CDKN2A: variants seen among roughly 807,000 people sequenced by gnomAD.
CDKN2A encodes cyclin-dependent kinase inhibitor 2A.
Under a neutral mutation model 11.1 loss-of-function variants are expected in CDKN2A, and 3 were observed. The ratio of observed to expected loss-of-function variants is 0.27; its 90% CI spans 0.12 to 0.70. The LOEUF is 0.70. Among genes scored for constraint, CDKN2A ranks in the 30% least tolerant of loss-of-function variants. The pLI, the probability that CDKN2A is intolerant of heterozygous loss-of-function variation, is 0.77. For synonymous variants in CDKN2A, 122 were observed against 108.1 expected, an observed-to-expected ratio of 1.13 and a Z score of -0.80; for missense variants, 265 against 233.6, an observed-to-expected ratio of 1.13 and a Z score of -0.88.
rs1025558190 is a variant in CDKN2A, at chr9:21,968,485, C to T, written c.458-243G>A. The T allele has an allele frequency of 4.1e-6, 6 of 1,458,398 alleles. No individual in the cohort carries two copies. The highest frequency in any genetic ancestry group is 1.4e-5 in the South Asian group (1 of 69,560). 90.3% of individuals were successfully genotyped at this position (1,458,398 alleles called of 1,614,324 possible). On this transcript the variant is annotated intron_variant, in intron 2 of 2. Transcript: ENST00000304494. This position sits in a 1 kb window ranked among gnomAD's most constrained non-coding sequence, Gnocchi z 4.7. ...ACCGCTCAAGCGCTCCAGGTCCACC[C>T]GGCGGAGGGCAGAGAAAGCGCGACC...
chr9:21,970,224 A>G (rs147869291), intron 2 of CDKN2A: 228 of 239,048 alleles, frequency 9.5e-4, no homozygotes, highest in Non-Finnish European at 1.4e-3. Flanking sequence ...GGCAAGGAGG[A>G]CCATAATTCT....
At position 21,968,136 on chromosome 9, in the gene CDKN2A, G is replaced by A. The variant is rs2131078719; in HGVS notation, c.*93C>T. Reference sequence around the variant, plus strand: ...TCTAAATGAAAACTACGAAAGCGGGGTGGGTTGTGGCGGGGGCAGTTGTGG... The same window carrying A: ...TCTAAATGAAAACTACGAAAGCGGGATGGGTTGTGGCGGGGGCAGTTGTGG... On this transcript the variant is annotated 3_prime_UTR_variant, in exon 3 of 3. Transcript: ENST00000304494. This position sits in a 1 kb window ranked among gnomAD's most constrained non-coding sequence, Gnocchi z 4.7. 1 of 1,060,290 alleles carries A rather than the reference G, an allele frequency of 9.4e-7. No homozygotes were observed. The allele number at this position is 1,060,290 out of a possible 1,614,324, so 65.7% of individuals were successfully genotyped here.
At chr9:21,983,223 C>T (rs1820235780) in intron 2 of CDKN2A, among the ~76,000 whole-genome samples, 1 of 152,054 alleles carries the variant, frequency 6.6e-6, no homozygotes, top group African/African-American at 2.4e-5. Flanking sequence ...GAATGATTTG[C>T]TTTCCTGATT....
rs541411542 is a variant in CDKN2A at position 21,973,712 on chromosome 9, A to C, written c.150+966T>G. Among the ~76,000 whole-genome samples, 3 of 152,378 alleles carry C rather than the reference A, an allele frequency of 2.0e-5. No homozygotes were observed. The East Asian group carries it at 5.8e-4, about 29-fold the overall frequency. On this transcript the variant is annotated intron_variant, in intron 1 of 2. Transcript: ENST00000304494. Reference sequence around the variant, plus strand: ...TATCAAGTAAGCTAAAGATAGTAAAAGAGCAAAAATGTTAGCAGATATTCC... The same window carrying C: ...TATCAAGTAAGCTAAAGATAGTAAACGAGCAAAAATGTTAGCAGATATTCC...
chr9:21,973,079 T>C (rs1199564992), intron 1 of CDKN2A, among the ~76,000 whole-genome samples: 3 of 152,278 alleles, frequency 2.0e-5, no homozygotes, highest in East Asian at 3.9e-4. Flanking sequence ...AGACAAAATG[T>C]TGCAGTATAT....
In CDKN2A at chr9:21,993,387, C is replaced by T. The variant is rs558414392; in HGVS notation, c.-4+495G>A. ...CTCATTTTTAAACTGTGCTAACTGTCGTCTGAGATGACTAAAATACTATCA... is the reference window on the plus strand; with the variant it reads ...CTCATTTTTAAACTGTGCTAACTGTTGTCTGAGATGACTAAAATACTATCA... On this transcript the variant is annotated intron_variant, in intron 2 of 3. Transcript: ENST00000494262. Among the ~76,000 whole-genome samples the T allele has an allele frequency of 8.5e-5, 13 of 152,282 alleles. No homozygotes were observed. In the South Asian group the frequency reaches 2.1e-3, roughly 24 times the overall value.
chr9:21,977,166 A>G (rs1032420677), upstream of CDKN2A, among the ~76,000 whole-genome samples: 1 of 152,224 alleles, frequency 6.6e-6, no homozygotes, highest in Non-Finnish European at 1.5e-5. Flanking sequence ...TGTACCATTT[A>G]TATTTTCCTC....
chr9:21,984,548 C>T (rs1261801395), intron 2 of CDKN2A, among the ~76,000 whole-genome samples: 1 of 152,012 alleles, frequency 6.6e-6, no homozygotes, highest in African/African-American at 2.4e-5. Flanking sequence ...ATTGCTAACA[C>T]AAGCATATAT....
Position 21,968,956 on chromosome 9 carries a change from C to T in CDKN2A, c.458-714G>A, listed in dbSNP as rs1199991745. Among the ~76,000 whole-genome samples the T allele has an allele frequency of 6.6e-6, 1 of 152,160 alleles. No homozygotes were observed. The highest frequency in any genetic ancestry group is 1.5e-5 in the Non-Finnish European group (1 of 68,032). ...TTGAAAGTCTCTTTTTACGTTTATT[C>T]CTGAGGCAGCATTTGCACTTGAGTT... is the stretch of plus-strand genomic sequence containing the variant. On this transcript the variant is annotated intron_variant, in intron 2 of 2. Transcript: ENST00000304494. This position sits in a 1 kb window ranked among gnomAD's most constrained non-coding sequence, Gnocchi z 4.7.
At chr9:21,977,787 T>C (rs1820077177), upstream of CDKN2A, among the ~76,000 whole-genome samples, 1 of 152,198 alleles carries the variant, frequency 6.6e-6, no homozygotes, top group Non-Finnish European at 1.5e-5. Flanking sequence ...AAAAGATGTG[T>C]TCACTTGCAC....
At chr9:21,977,809 G>C (rs1480651030), upstream of CDKN2A, among the ~76,000 whole-genome samples, 1 of 152,082 alleles carries the variant, frequency 6.6e-6, no homozygotes, top group Non-Finnish European at 1.5e-5. Context: ...TGTATTTCTA[G>C]ATAAAACTTT....
At chr9:21,984,762 A>G (rs1820266152) in intron 2 of CDKN2A, among the ~76,000 whole-genome samples, 1 of 151,952 alleles carries the variant, frequency 6.6e-6, no homozygotes, top group African/African-American at 2.4e-5. Flanking sequence ...AGCTTTTCTC[A>G]TCAAATGGAG....
At chr9:21,990,335 G>GT (rs1820397640) in intron 2 of CDKN2A, among the ~76,000 whole-genome samples, 1 of 152,082 alleles carries the variant, frequency 6.6e-6, no homozygotes, top group African/African-American at 2.4e-5. Flanking sequence ...GCCCTCGCAG[G>GT]TTTTCCCAGA....
At chr9:21,972,640 T>C (rs1423288014) in intron 1 of CDKN2A, among the ~76,000 whole-genome samples, 2 of 152,254 alleles carry the variant, frequency 1.3e-5, no homozygotes, top group Non-Finnish European at 2.9e-5. Context: ...TGATAATTTG[T>C]AACAGCAGCA....
chr9:21,974,989 C>G (rs1319451915), upstream of CDKN2A: 2 of 1,389,212 alleles, frequency 1.4e-6, no homozygotes, highest in Non-Finnish European at 1.9e-6. The surrounding 1 kb of genome is among the most constrained non-coding windows in gnomAD (Gnocchi z 5.2). Context: ...TCTGGAGGGA[C>G]CGCGGTATCT....
At chr9:21,969,541 A>G (rs892158971) in intron 2 of CDKN2A, 4 of 390,744 alleles carry the variant, frequency 1.0e-5, no homozygotes, top group Non-Finnish European at 1.8e-5. Context: ...GGAAGGGAGG[A>G]GGGAAGAAAT....
rs182958298 is a variant in CDKN2A at position 21,991,219 on chromosome 9, C to T, written c.-4+2663G>A. 1.3e-5 allele frequency among the ~76,000 whole-genome samples: 2 copies of T among 151,870 alleles called. No homozygotes were observed. Among genetic ancestry groups the T allele is most frequent in the Admixed American group, 6.5e-5 (1 of 15,272 alleles). On this transcript the variant is annotated intron_variant, in intron 2 of 3. Coordinates refer to the CDKN2A transcript ENST00000494262. This position sits in a 1 kb window ranked among gnomAD's most constrained non-coding sequence, Gnocchi z 5.2. ...GGCAAGCTTGTCCAACCTGTGGGCC[C>T]GAGGGTCACATGCAGCCCAGGATGG...
intron 2 of CDKN2A, among the ~76,000 whole-genome samples, chr9:21,981,510 G>C (rs1289204370): frequency 2.0e-5 from 3 of 151,924 alleles, no homozygotes; most frequent in Non-Finnish European, 4.4e-5. Flanking sequence ...ATAATTATTT[G>C]AAGGCAAAGG....
intron 2 of CDKN2A, among the ~76,000 whole-genome samples, chr9:21,986,495 C>T (rs1266252467): frequency 6.6e-6 from 1 of 151,904 alleles, no homozygotes; most frequent in Non-Finnish European, 1.5e-5. Context: ...AAACCATATA[C>T]ATATTTATAG....
Sources: allele counts gnomAD v4.1 joint callset (sites outside exome capture counted in the v4.1 genomes callset), GRCh38; gene constraint gnomAD v4.1.1; non-coding constraint Gnocchi (gnomAD v3.1); transcripts MANE v1.5; gene names NCBI Gene and HGNC (gene_info 2026-07-23, HGNC 2026-07-21).